The following TMEM272 variants were observed in gnomAD, a reference collection of about 807,000 sequenced individuals.
The protein encoded by TMEM272 is long intergenic non-protein coding RNA 282.
Under a neutral mutation model 3.7 loss-of-function variants are expected in TMEM272, and 8 were observed. The observed-to-expected ratio is 2.17, with a 90% CI of 1.27 to 3.91. The LOEUF (loss-of-function observed/expected upper bound fraction) is 3.91. Ranked by LOEUF, TMEM272 falls within the 30% of genes most tolerant of loss-of-function variation. The probability of loss-of-function intolerance (pLI) is 0.00; values close to 1 mark genes in which losing one functional copy is unlikely to be tolerated. For synonymous variants in TMEM272, 63 were observed against 39.8 expected (o/e 1.58, Z -2.20); for missense variants, 166 against 91.5 (o/e 1.81, Z -3.32).
the TMEM272 span, among the ~76,000 whole-genome samples, chr13:51,905,120 G>C: frequency 8.5e-5 from 13 of 152,220 alleles, no homozygotes; most frequent in African/African-American, 2.7e-4. Context: ...ATTGAGCTAA[G>C]AGAAACAGCA....
Position 51,838,507 on chromosome 13 carries a change from C to T in TMEM272, c.24G>A (p.Thr8=), listed in dbSNP as rs1041497608. ...CGATTTTAGAAATGCACTGATGACA[C>T]GTTTTCTCCAGACCTCCTGGCATTG... MPGGLEK[T]CHQCISKIAS... is the part of the protein sequence containing the mutation. The change falls in exon 2 of 5, where the codon ACG becomes ACA. Residue 8 remains threonine (T), a synonymous_variant. Transcript: ENST00000629372. The T allele has an allele frequency of 1.3e-5, 9 of 702,906 alleles. No homozygotes were observed. Among genetic ancestry groups the T allele is most frequent in the Middle Eastern group, 2.3e-4 (1 of 4,392 alleles). 43.5% of individuals were successfully genotyped at this position (702,906 alleles called of 1,614,324 possible).
chr13:51,934,070 T>C, the TMEM272 span: 1 of 153,856 alleles, frequency 6.5e-6, no homozygotes, highest in African/African-American at 2.4e-5. Flanking sequence ...TGGCTGGGGA[T>C]GTGTGAGCCA....
chr13:51,893,146 C>T, the TMEM272 span, among the ~76,000 whole-genome samples: 2 of 152,198 alleles, frequency 1.3e-5, no homozygotes, highest in African/African-American at 4.8e-5. Context: ...GTACCAGGGC[C>T]TTCTCTCCAA....
chr13:51,824,690 T>C (rs952219181), intron 3 of TMEM272, among the ~76,000 whole-genome samples: 1 of 152,226 alleles, frequency 6.6e-6, no homozygotes. Flanking sequence ...CGGTGGCTCA[T>C]GCCTGTCATC....
At chr13:51,872,917 G>A in the TMEM272 span, among the ~76,000 whole-genome samples, 6 of 152,144 alleles carry the variant, frequency 3.9e-5, no homozygotes, top group African/African-American at 7.2e-5. Context: ...CAATTCACAC[G>A]AATGCCCCCT....
chr13:51,877,956 T>C, the TMEM272 span, among the ~76,000 whole-genome samples: 1 of 152,252 alleles, frequency 6.6e-6, no homozygotes, highest in Non-Finnish European at 1.5e-5. Context: ...TTCATGCTGC[T>C]ATGAAGAAAT....
chr13:51,879,050 A>C, the TMEM272 span, among the ~76,000 whole-genome samples: 1 of 152,194 alleles, frequency 6.6e-6, no homozygotes, highest in African/African-American at 2.4e-5. Context: ...CAGATCACAA[A>C]TAAACAGACA....
At chr13:51,853,399 G>C in the TMEM272 span, among the ~76,000 whole-genome samples, 1 of 151,540 alleles carries the variant, frequency 6.6e-6, no homozygotes. Flanking sequence ...AACATAGCGA[G>C]ACTCCATCTC....
rs568707536 is a variant in TMEM272 at position 51,820,106 on chromosome 13, GCA to G, written c.201+1947_201+1948del. Among the ~76,000 whole-genome samples the G allele has an allele frequency of 1.9e-4, 29 of 152,214 alleles. No homozygotes were observed. In the South Asian group the frequency reaches 5.6e-3, roughly 29 times the overall value. ...TATCACACAATACTTAACTTACTAG[GCA>G]CTCTAATTTTCTATTTTATTTTTTA... is the stretch of plus-strand genomic sequence containing the variant. On this transcript the variant is annotated intron_variant, in intron 4 of 4. Transcript: ENST00000629372.
the TMEM272 span, among the ~76,000 whole-genome samples, chr13:51,878,655 A>G: frequency 2.6e-5 from 4 of 152,118 alleles, no homozygotes; most frequent in African/African-American, 9.7e-5. Context: ...TAAGTAAGTA[A>G]CTCTCGAATG....
At chr13:51,845,420 C>G (rs1956297365), upstream of TMEM272, among the ~76,000 whole-genome samples, 2 of 152,216 alleles carry the variant, frequency 1.3e-5, no homozygotes, top group South Asian at 4.1e-4. Flanking sequence ...CCCCTTCTCA[C>G]CCCTTGCCCT....
At chr13:51,926,872 T>C in the TMEM272 span, among the ~76,000 whole-genome samples, 1 of 152,198 alleles carries the variant, frequency 6.6e-6, no homozygotes. Flanking sequence ...ATACATATAA[T>C]TTTATCTATC....
chr13:51,865,662 A>G, the TMEM272 span: 4 of 1,614,186 alleles, frequency 2.5e-6, no homozygotes, highest in Non-Finnish European at 2.5e-6. Flanking sequence ...CCTTTCTGGG[A>G]AGAGGAGAAA....
At chr13:51,900,503 A>C in the TMEM272 span, among the ~76,000 whole-genome samples, 1 of 152,326 alleles carries the variant, frequency 6.6e-6, no homozygotes, top group South Asian at 2.1e-4. Flanking sequence ...TGGAACTCTC[A>C]TGCATCATTG....
At chr13:51,865,858 A>G in the TMEM272 span, 1 of 1,613,712 alleles carries the variant, frequency 6.2e-7, no homozygotes, top group East Asian at 2.2e-5. Flanking sequence ...GGGAGGAAGA[A>G]AAGGCCCTGT....
At chr13:51,927,044 G>T in the TMEM272 span, among the ~76,000 whole-genome samples, 3 of 152,204 alleles carry the variant, frequency 2.0e-5, no homozygotes, top group Non-Finnish European at 2.9e-5. Context: ...ATAAACCCAA[G>T]TAAGTGTATC....
intron 1 of TMEM272, among the ~76,000 whole-genome samples, chr13:51,841,154 C>A (rs1332069571): frequency 6.6e-6 from 1 of 152,254 alleles, no homozygotes; most frequent in Non-Finnish European, 1.5e-5. Context: ...GGGGCCATGG[C>A]CCATCACGGC....
intron 2 of TMEM272, among the ~76,000 whole-genome samples, chr13:51,827,866 G>A (rs1017037163): frequency 1.3e-5 from 2 of 152,162 alleles, no homozygotes; most frequent in Admixed American, 6.5e-5. Context: ...CGTTATTAGT[G>A]GATGGGCTCA....
intron 2 of TMEM272, among the ~76,000 whole-genome samples, chr13:51,837,070 G>A (rs1010996629): frequency 1.3e-5 from 2 of 152,174 alleles, no homozygotes; most frequent in Non-Finnish European, 2.9e-5. Context: ...CCATTGTGCT[G>A]GCTGAAGACG....
Sources: allele counts gnomAD v4.1 joint callset (sites outside exome capture counted in the v4.1 genomes callset), GRCh38; gene constraint gnomAD v4.1.1; transcripts MANE v1.5; gene names NCBI Gene and HGNC (gene_info 2026-07-23, HGNC 2026-07-21).